SLC26A3: variants seen among roughly 807,000 people sequenced by gnomAD.
SLC26A3 encodes the protein solute carrier family 26 member 3, also known as chloride anion exchanger.
In SLC26A3, 64 loss-of-function variants were observed where a neutral mutation model predicts 85.6. That is an observed-to-expected ratio of 0.75 (90% confidence interval 0.61 to 0.92). The LOEUF is 0.92. Among genes scored for constraint, SLC26A3 ranks in the 40% least tolerant of loss-of-function variants. The pLI, the probability that SLC26A3 is intolerant of heterozygous loss-of-function variation, is 0.00. For missense variants in SLC26A3, 922 were observed against 927.3 expected, an observed-to-expected ratio of 0.99 and a Z score of 0.07; for synonymous variants, 349 against 336.0, an observed-to-expected ratio of 1.04 and a Z score of -0.42.
chr7:107,784,157 A>G (rs927330871), intron 8 of SLC26A3, among the ~76,000 whole-genome samples: 4 of 152,230 alleles, frequency 2.6e-5, no homozygotes, highest in African/African-American at 4.8e-5. Context: ...CATTTTGTGA[A>G]TATCTATGGT....
chr7:107,791,999 C>G, intron 3 of SLC26A3, 59 bp from the exon 4 acceptor site: 2 of 1,013,726 alleles, frequency 2.0e-6, no homozygotes, highest in Non-Finnish European at 3.1e-6. Context: ...AAGACATTCT[C>G]ATTTGGTTCT....
intron 7 of SLC26A3, 79 bp downstream of exon 7, chr7:107,787,278 C>A: frequency 6.6e-7 from 1 of 1,505,924 alleles, no homozygotes. Context: ...ACTAAAACTT[C>A]CTGAGCTACA....
chr7:107,795,762 C>G (rs1320711027), intron 1 of SLC26A3, among the ~76,000 whole-genome samples: 2 of 152,112 alleles, frequency 1.3e-5, no homozygotes, highest in Non-Finnish European at 2.9e-5. Flanking sequence ...TATTACTACT[C>G]ATAATGCCCA....
chr7:107,778,711 T>G (rs1359884987), intron 12 of SLC26A3, among the ~76,000 whole-genome samples: 2 of 152,120 alleles, frequency 1.3e-5, no homozygotes, highest in Non-Finnish European at 2.9e-5. Flanking sequence ...CAAATTAGAC[T>G]GGGCGTGAAG....
intron 18 of SLC26A3, 70 bp downstream of exon 18, chr7:107,771,984 G>C (rs1041708598): frequency 4.9e-6 from 5 of 1,011,708 alleles, no homozygotes; most frequent in Admixed American, 3.4e-5. Context: ...TGGAGAGGCT[G>C]TCTAGACTGA....
At chr7:107,792,173 G>A (rs926957918) in intron 3 of SLC26A3, among the ~76,000 whole-genome samples, 2 of 152,144 alleles carry the variant, frequency 1.3e-5, no homozygotes, top group Non-Finnish European at 2.9e-5. Flanking sequence ...TGACACCTAT[G>A]GCATAAGCCA....
intron 5 of SLC26A3, 57 bp downstream of exon 5, chr7:107,790,991 G>A: frequency 6.4e-7 from 1 of 1,557,936 alleles, no homozygotes; most frequent in South Asian, 1.1e-5. Context: ...ATAGAGAGAT[G>A]TGTAACAGTC....
chr7:107,777,052 G>T (rs370198174), intron 13 of SLC26A3, among the ~76,000 whole-genome samples: 24 of 152,272 alleles, frequency 1.6e-4, no homozygotes, highest in African/African-American at 5.3e-4. Flanking sequence ...AAAATGACTT[G>T]CTTATGACCA....
intron 3 of SLC26A3, 141 bp from the exon 4 acceptor site, chr7:107,792,081 A>G (rs1482123758): frequency 3.2e-6 from 2 of 617,010 alleles, no homozygotes; most frequent in Admixed American, 2.6e-5. Flanking sequence ...ATGTAAATGT[A>G]AGAACTAAAA....
intron 18 of SLC26A3, among the ~76,000 whole-genome samples, chr7:107,770,707 T>C (rs528499195): frequency 6.6e-6 from 1 of 152,306 alleles, no homozygotes; most frequent in East Asian, 1.9e-4. Context: ...CACCCAGAAC[T>C]GTGCCTGATA....
chr7:107,767,645 C>G lies in SLC26A3; in HGVS notation c.2206-1G>C. On this transcript the variant is annotated splice_acceptor_variant, in intron 19 of 20. Transcript: ENST00000340010. LOFTEE classifies it high-confidence loss of function. The stretch of plus-strand genomic sequence containing the variant: ...TAAAATCAATTTTTCCATCTTTTTC[C>G]TGAGAAAAAGAGAATGGAAATATGG... The G allele has an allele frequency of 6.2e-7, 1 of 1,608,726 alleles. No homozygotes were observed. Among genetic ancestry groups the G allele is most frequent in the Non-Finnish European group, 8.5e-7 (1 of 1,175,640 alleles).
At position 107,789,943 on chromosome 7, in the gene SLC26A3, G is replaced by T. The variant is rs73191641; in HGVS notation, c.571-255C>A. ...GGATATAAGTCTAGTTTGCCCCCAA[G>T]AAGTAACAGGCTTATTTGCACTTAA... On this transcript the variant is annotated intron_variant, in intron 5 of 20. Transcript: ENST00000340010. Among the ~76,000 whole-genome samples the T allele has an allele frequency of 0.086, 13,021 of 152,098 alleles. 727 individuals carry two copies. Among genetic ancestry groups the T allele is most frequent in the Non-Finnish European group, 0.13 (8,700 of 67,968 alleles).
Position 107,781,083 on chromosome 7 carries a change from T to C in SLC26A3, c.1312-1320A>G, listed in dbSNP as rs1419983163. On this transcript the variant is annotated intron_variant, in intron 11 of 20. Transcript: ENST00000340010. ...AGTCAGTATTCTACGGAAAAACAATTTGAAGTAATTTACGATGACATACAT... is the reference window on the plus strand; with the variant it reads ...AGTCAGTATTCTACGGAAAAACAATCTGAAGTAATTTACGATGACATACAT... 2.6e-5 allele frequency among the ~76,000 whole-genome samples: 4 copies of C among 152,232 alleles called. No homozygotes were observed. In the East Asian group the frequency reaches 7.7e-4, roughly 29 times the overall value.
intron 20 of SLC26A3, 105 bp downstream of exon 20, chr7:107,767,474 G>T (rs577456572): frequency 2.4e-6 from 2 of 826,346 alleles, no homozygotes; most frequent in Admixed American, 3.9e-5. Flanking sequence ...AGAGGCTCAA[G>T]CAAGTGCTGG....
chr7:107,786,862 C>A lies in SLC26A3; in HGVS notation c.936G>T (p.Arg312Ser). ...TGTCCCCAACCACAGCCACTTTAAA[C>A]CTGTTTTTAAAGTCACAGCCGTAGG... Reference protein sequence around the residue: ...GVSYGCDFKNRFKVAVVGDMN... With the variant: ...GVSYGCDFKNSFKVAVVGDMN... Residue 312 changes from arginine (R) to serine (S), a missense_variant, in exon 8 of 21, where the codon AGG becomes AGT. Transcript: ENST00000340010. 2 of 1,614,116 alleles carry A rather than the reference C, an allele frequency of 1.2e-6. No homozygotes were observed. Among genetic ancestry groups the A allele is most frequent in the Non-Finnish European group, 8.5e-7 (1 of 1,179,996 alleles).
At chr7:107,796,356 C>G (rs1200912522) in intron 1 of SLC26A3, among the ~76,000 whole-genome samples, 1 of 152,160 alleles carries the variant, frequency 6.6e-6, no homozygotes, top group East Asian at 1.9e-4. Flanking sequence ...ATCCTTCAAC[C>G]TCAGCCTCCC....
At chr7:107,793,134 A>G (rs182957949) in intron 3 of SLC26A3, among the ~76,000 whole-genome samples, 3 of 152,352 alleles carry the variant, frequency 2.0e-5, no homozygotes, top group Non-Finnish European at 4.4e-5. Flanking sequence ...ATACACTGCT[A>G]GTGGAAATGT....
intron 16 of SLC26A3, 82 bp from the exon 17 acceptor site, chr7:107,774,235 G>T: frequency 6.3e-6 from 7 of 1,113,922 alleles, no homozygotes; most frequent in Non-Finnish European, 9.6e-6. Context: ...AGTTTCAGAA[G>T]CACTGATTCT....
chr7:107,780,181 C>T (rs1203592722), intron 11 of SLC26A3, among the ~76,000 whole-genome samples: 1 of 151,760 alleles, frequency 6.6e-6, no homozygotes, highest in Admixed American at 6.6e-5. Context: ...AAAAAAATAG[C>T]TTGGGAAGCT....
Sources: allele counts gnomAD v4.1 joint callset (sites outside exome capture counted in the v4.1 genomes callset), GRCh38; gene constraint gnomAD v4.1.1; transcripts MANE v1.5; gene names NCBI Gene and HGNC (gene_info 2026-07-23, HGNC 2026-07-21).